MSRA: variants seen among roughly 807,000 people sequenced by gnomAD.
The protein encoded by MSRA is mitochondrial peptide methionine sulfoxide reductase.
A neutral mutation model predicts 31.3 loss-of-function variants in MSRA; 54 were observed. That is an observed-to-expected ratio of 1.73 (90% CI 1.39 to 2.17). The LOEUF (loss-of-function observed/expected upper bound fraction) is 2.17. Among genes scored for constraint, MSRA ranks in the 30% most tolerant of loss-of-function variants. The pLI, the probability that MSRA is intolerant of heterozygous loss-of-function variation, is 0.00. For synonymous variants in MSRA, 169 were observed against 116.5 expected (o/e 1.45, Z -2.90); for missense variants, 507 against 300.9 (o/e 1.69, Z -5.07).
intron 1 of MSRA, among the ~76,000 whole-genome samples, chr8:10,153,974 C>G (rs1803935511): frequency 6.6e-6 from 1 of 152,160 alleles, no homozygotes; most frequent in Non-Finnish European, 1.5e-5. Flanking sequence ...TGACAATTTT[C>G]ATGTGGATAT....
At chr8:10,166,791 T>A (rs531851608) in intron 1 of MSRA, among the ~76,000 whole-genome samples, 1 of 152,282 alleles carries the variant, frequency 6.6e-6, no homozygotes, top group South Asian at 2.1e-4. Flanking sequence ...GTGTGTGGCC[T>A]CCCTGGCCCT....
chr8:10,310,564 A>C (rs1801379612), intron 4 of MSRA, among the ~76,000 whole-genome samples: 1 of 152,202 alleles, frequency 6.6e-6, no homozygotes, highest in African/African-American at 2.4e-5. Flanking sequence ...CTCTTACTGA[A>C]GGTCTTTCCT....
intron 2 of MSRA, among the ~76,000 whole-genome samples, chr8:10,211,533 G>A (rs941860231): frequency 3.3e-5 from 5 of 152,134 alleles, no homozygotes; most frequent in African/African-American, 4.8e-5. Context: ...GAAAAGTGGA[G>A]CCACACATTT....
chr8:10,386,750 G>T (rs567271577), intron 5 of MSRA, among the ~76,000 whole-genome samples: 7 of 151,854 alleles, frequency 4.6e-5, no homozygotes, highest in Non-Finnish European at 7.4e-5. Context: ...CAGGTGATGG[G>T]TTCTACTTCT....
intron 5 of MSRA, among the ~76,000 whole-genome samples, chr8:10,423,506 T>C (rs952132764): frequency 4.3e-5 from 5 of 117,174 alleles, no homozygotes; most frequent in African/African-American, 1.6e-4. Context: ...GGACTTGGGG[T>C]GGGGCGGGGA....
chr8:10,068,070 C>G (rs1797552680), intron 1 of MSRA, among the ~76,000 whole-genome samples: 1 of 151,686 alleles, frequency 6.6e-6, no homozygotes, highest in African/African-American at 2.4e-5. Context: ...TTTTAGTAGA[C>G]ATGGGGTTTC....
At chr8:10,260,935 AAC>A (rs1486449600) in intron 3 of MSRA, among the ~76,000 whole-genome samples, 4 of 152,238 alleles carry the variant, frequency 2.6e-5, no homozygotes, top group Admixed American at 2.6e-4. Flanking sequence ...AAATTTTCTA[AAC>A]ACTGAATCTT....
chr8:10,364,244 G>T (rs1280153990), intron 5 of MSRA, among the ~76,000 whole-genome samples: 2 of 152,302 alleles, frequency 1.3e-5, no homozygotes, highest in South Asian at 2.1e-4. Context: ...TTCGGACTGT[G>T]GTGCTTTGGA....
intron 3 of MSRA, among the ~76,000 whole-genome samples, chr8:10,290,586 C>T (rs1367190212): frequency 2.0e-5 from 3 of 152,166 alleles, no homozygotes; most frequent in Non-Finnish European, 4.4e-5. Context: ...GCCCCCAGCT[C>T]TCCTGTATCG....
At chr8:10,362,461 CAAAAAAAA>C (rs11388593) in intron 5 of MSRA, among the ~76,000 whole-genome samples, 2 of 76,722 alleles carry the variant, frequency 2.6e-5, no homozygotes, top group African/African-American at 5.0e-5. Flanking sequence ...ATACCATAAG[CAAAAAAAA>C]AAAAAAAAAA....
At chr8:10,353,318 G>A (rs982434618) in intron 5 of MSRA, among the ~76,000 whole-genome samples, 5 of 152,164 alleles carry the variant, frequency 3.3e-5, no homozygotes, top group East Asian at 3.9e-4. Flanking sequence ...TCTGTTTAGC[G>A]CACTCACCAA....
intron 3 of MSRA, among the ~76,000 whole-genome samples, chr8:10,251,102 T>C (rs1195386338): frequency 1.3e-5 from 2 of 152,170 alleles, no homozygotes; most frequent in Non-Finnish European, 2.9e-5. Flanking sequence ...GGTCAGGTCA[T>C]GTCACCCCCT....
At chr8:10,364,774 C>CTGTA (rs1805060986) in intron 5 of MSRA, among the ~76,000 whole-genome samples, 3 of 152,200 alleles carry the variant, frequency 2.0e-5, no homozygotes, top group African/African-American at 7.2e-5. Context: ...TGTCTTGGGC[C>CTGTA]TGTAATCCAA....
chr8:10,327,339 C>G (rs1033708852), intron 5 of MSRA, among the ~76,000 whole-genome samples: 5 of 152,172 alleles, frequency 3.3e-5, no homozygotes, highest in African/African-American at 1.2e-4. Flanking sequence ...TAAACTTCAA[C>G]TATCTAGCAA....
chr8:10,123,146 G>A (rs995122803), intron 1 of MSRA, among the ~76,000 whole-genome samples: 1 of 152,244 alleles, frequency 6.6e-6, no homozygotes, highest in Non-Finnish European at 1.5e-5. Flanking sequence ...CCCACCAACA[G>A]TGTGTAAGTG....
intron 5 of MSRA, among the ~76,000 whole-genome samples, chr8:10,367,597 G>C (rs1055116258): frequency 2.0e-5 from 3 of 152,176 alleles, no homozygotes. Context: ...TATTAGCAAT[G>C]GCCCTGTGAA....
chr8:10,142,917 G>GA (rs1226000086), intron 1 of MSRA, among the ~76,000 whole-genome samples: 30 of 152,184 alleles, frequency 2.0e-4, no homozygotes, highest in African/African-American at 6.7e-4. Context: ...AACTCTAATT[G>GA]AAAATTAAAC....
At chr8:10,239,425 G>A (rs1812218294) in intron 2 of MSRA, among the ~76,000 whole-genome samples, 1 of 152,216 alleles carries the variant, frequency 6.6e-6, no homozygotes, top group Non-Finnish European at 1.5e-5. Flanking sequence ...CTCCCAAAGT[G>A]CCGGGATTAC....
intron 1 of MSRA, among the ~76,000 whole-genome samples, chr8:10,112,060 C>G (rs997668887): frequency 6.6e-6 from 1 of 150,414 alleles, no homozygotes. Context: ...TTTTAAATTC[C>G]ATTTGTTAAT....
Sources: gnomAD v4.1 joint callset for allele counts (sites outside exome capture counted in the v4.1 genomes callset) on GRCh38, gnomAD v4.1.1 for gene constraint, MANE v1.5 for transcripts, NCBI Gene and HGNC (gene_info 2026-07-23, HGNC 2026-07-21) for gene names.